Variants in RBFOX1 observed in about 807,000 individuals in gnomAD.
RBFOX1 encodes RNA binding protein fox-1 homolog 1.
A neutral mutation model predicts 57.7 loss-of-function variants in RBFOX1; 8 were observed. The ratio of observed to expected loss-of-function variants is 0.14; its 90% CI spans 0.08 to 0.25. RBFOX1 has a LOEUF of 0.25. Ranked by LOEUF, RBFOX1 falls within the 10% of genes least tolerant of loss-of-function variation. The pLI is 1.00. For synonymous variants in RBFOX1, 326 were observed against 222.4 expected (o/e 1.47, Z -4.15); for missense variants, 611 against 548.5 (o/e 1.11, Z -1.14).
chr16:7,337,710 A>C (rs754324651), intron 4 of RBFOX1, among the ~76,000 whole-genome samples: 2 of 152,052 alleles, frequency 1.3e-5, no homozygotes, highest in African/African-American at 2.4e-5. Flanking sequence ...TTTGAGATGG[A>C]GTCTCACTCT....
intron 4 of RBFOX1, among the ~76,000 whole-genome samples, chr16:7,425,376 A>G (rs1039864822): frequency 2.0e-5 from 3 of 152,172 alleles, no homozygotes; most frequent in Non-Finnish European, 4.4e-5. Flanking sequence ...CCACGTCTTC[A>G]TTGCTTCATT....
intron 1 of RBFOX1, among the ~76,000 whole-genome samples, chr16:5,370,053 C>A (rs1388851903): frequency 6.6e-6 from 1 of 152,198 alleles, no homozygotes; most frequent in East Asian, 1.9e-4. Flanking sequence ...TATTGAGCAC[C>A]TACTATGTGC....
At chr16:7,318,671 C>T (rs2096488994) in intron 4 of RBFOX1, among the ~76,000 whole-genome samples, 2 of 152,132 alleles carry the variant, frequency 1.3e-5, no homozygotes, top group African/African-American at 4.8e-5. Context: ...GTGCAGAATA[C>T]AGCTTTTAAC....
At chr16:7,257,992 A>C (rs940213442) in intron 4 of RBFOX1, among the ~76,000 whole-genome samples, 1 of 152,240 alleles carries the variant, frequency 6.6e-6, no homozygotes. Flanking sequence ...CTGTATCGAC[A>C]CAACTCTGAC....
chr16:6,986,111 A>G (rs1374468555), intron 3 of RBFOX1, among the ~76,000 whole-genome samples: 1 of 151,396 alleles, frequency 6.6e-6, no homozygotes, highest in Non-Finnish European at 1.5e-5. Context: ...ATTTTGAAAA[A>G]TTCTAAACAT....
intron 4 of RBFOX1, among the ~76,000 whole-genome samples, chr16:5,868,006 C>A (rs918697798): frequency 6.6e-6 from 1 of 151,736 alleles, no homozygotes; most frequent in African/African-American, 2.4e-5. Context: ...GCCACCATGC[C>A]CAGCCTGTTT....
chr16:6,160,305 T>C (rs1303750388), intron 1 of RBFOX1, among the ~76,000 whole-genome samples: 1 of 152,152 alleles, frequency 6.6e-6, no homozygotes, highest in East Asian at 1.9e-4. Flanking sequence ...CAACATGATA[T>C]TGTAGGATAT....
intron 1 of RBFOX1, among the ~76,000 whole-genome samples, chr16:6,022,246 G>C (rs1369506706): frequency 1.3e-5 from 1 of 75,240 alleles, no homozygotes; most frequent in African/African-American, 5.7e-5. Flanking sequence ...TATTACCTTA[G>C]CAAATCTGTT....
intron 1 of RBFOX1, among the ~76,000 whole-genome samples, chr16:6,228,706 G>A (rs1400668507): frequency 6.6e-6 from 1 of 152,140 alleles, no homozygotes; most frequent in African/African-American, 2.4e-5. Context: ...CAGGTAGGCG[G>A]GAGGAGTAAG....
chr16:7,487,438 C>A (rs1001036123), intron 4 of RBFOX1, among the ~76,000 whole-genome samples: 4 of 152,180 alleles, frequency 2.6e-5, no homozygotes, highest in African/African-American at 9.7e-5. Context: ...AGAAATTCAT[C>A]TTGTTATATG....
At chr16:6,187,793 C>T (rs1398626674) in intron 1 of RBFOX1, among the ~76,000 whole-genome samples, 3 of 152,122 alleles carry the variant, frequency 2.0e-5, no homozygotes, top group Non-Finnish European at 4.4e-5. Flanking sequence ...CATTAACAAA[C>T]GTTTGCCAGA....
At chr16:7,436,982 G>A (rs1484133271) in intron 4 of RBFOX1, among the ~76,000 whole-genome samples, 1 of 152,194 alleles carries the variant, frequency 6.6e-6, no homozygotes, top group African/African-American at 2.4e-5. Context: ...TCAGGAAGCT[G>A]AGGTAGGAGA....
intron 4 of RBFOX1, among the ~76,000 whole-genome samples, chr16:7,488,517 C>A (rs914376628): frequency 2.0e-5 from 3 of 152,138 alleles, no homozygotes; most frequent in Non-Finnish European, 4.4e-5. Flanking sequence ...CATTGTCTAC[C>A]TATCTACTAT....
At chr16:5,647,935 C>G (rs780966810) in intron 3 of RBFOX1, among the ~76,000 whole-genome samples, 5 of 152,208 alleles carry the variant, frequency 3.3e-5, no homozygotes, top group Non-Finnish European at 7.3e-5. Flanking sequence ...TCTCAGCTCA[C>G]TGCAACATCC....
intron 3 of RBFOX1, among the ~76,000 whole-genome samples, chr16:6,963,805 T>G (rs1440280153): frequency 6.7e-6 from 1 of 149,746 alleles, no homozygotes; most frequent in Non-Finnish European, 1.5e-5. Context: ...TTCATGCCAT[T>G]CTCCTGCCTC....
intron 4 of RBFOX1, among the ~76,000 whole-genome samples, chr16:5,916,082 G>A (rs896855843): frequency 1.3e-5 from 2 of 152,094 alleles, no homozygotes; most frequent in Non-Finnish European, 2.9e-5. Context: ...TACAGACTGT[G>A]TTAAGGACTT....
At chr16:5,400,775 C>G (rs948417543) in intron 1 of RBFOX1, among the ~76,000 whole-genome samples, 1 of 152,056 alleles carries the variant, frequency 6.6e-6, no homozygotes, top group African/African-American at 2.4e-5. Context: ...TCCCTGCCTC[C>G]CTTTTCTTCC....
At chr16:7,210,090 G>T (rs535176439) in intron 4 of RBFOX1, among the ~76,000 whole-genome samples, 1 of 152,284 alleles carries the variant, frequency 6.6e-6, no homozygotes, top group African/African-American at 2.4e-5. Flanking sequence ...GTGCATCTTT[G>T]CAGTGTGTGC....
At chr16:5,370,403 A>G (rs530875730) in intron 1 of RBFOX1, among the ~76,000 whole-genome samples, 3 of 151,080 alleles carry the variant, frequency 2.0e-5, no homozygotes, top group East Asian at 3.9e-4. Flanking sequence ...GCTCTGAACC[A>G]GGATAGGGCA....
Sources: allele counts gnomAD v4.1 joint callset (sites outside exome capture counted in the v4.1 genomes callset), GRCh38; gene constraint gnomAD v4.1.1; transcripts MANE v1.5; gene names NCBI Gene and HGNC (gene_info 2026-07-23, HGNC 2026-07-21).